The following SF3A3 variants were observed in gnomAD, a reference collection of about 807,000 sequenced individuals.
The protein encoded by SF3A3 is SAP 61.
A neutral mutation model predicts 85.8 loss-of-function variants in SF3A3; 9 were observed. That is an observed-to-expected ratio of 0.10 (90% confidence interval 0.06 to 0.18). The LOEUF (loss-of-function observed/expected upper bound fraction) is 0.18. SF3A3 is among the 10% of genes least tolerant of loss of function. The pLI, the probability that SF3A3 is intolerant of heterozygous loss-of-function variation, is 1.00. For missense variants in SF3A3, 306 were observed against 593.3 expected, an observed-to-expected ratio of 0.52 and a Z score of 5.03; for synonymous variants, 195 against 204.4, an observed-to-expected ratio of 0.95 and a Z score of 0.39.
In SF3A3 at chr1:37,958,054, T is replaced by A; in HGVS notation, c.*132A>T. ...CTGCAATCTGCCAGCATGCCTTGTTTCTACAAGATGCATGCTAGACCATGA... is the reference window on the plus strand; with the variant it reads ...CTGCAATCTGCCAGCATGCCTTGTTACTACAAGATGCATGCTAGACCATGA... On this transcript the variant is annotated 3_prime_UTR_variant, in exon 17 of 17. Coordinates refer to ENST00000373019, the MANE Select transcript of SF3A3 (RefSeq NM_006802.4). 1 of 655,606 alleles carries A rather than the reference T, an allele frequency of 1.5e-6. No homozygotes were observed. Among genetic ancestry groups the A allele is most frequent in the Non-Finnish European group, 2.8e-6 (1 of 361,614 alleles). The allele number at this position is 655,606 out of a possible 1,614,324, so 40.6% of individuals were successfully genotyped here.
chr1:37,983,427 T>A (rs921908118), intron 6 of SF3A3, among the ~76,000 whole-genome samples: 21 of 147,924 alleles, frequency 1.4e-4, no homozygotes, highest in South Asian at 6.4e-4. Context: ...CTACACAAAA[T>A]ACAAAAAATT....
chr1:37,989,424 G>C (rs1043180676), intron 2 of SF3A3, 124 bp downstream of exon 2: 1 of 980,654 alleles, frequency 1.0e-6, no homozygotes, highest in African/African-American at 1.6e-5. Context: ...TCCAGGCAGA[G>C]AGCCCGCGAC....
intron 11 of SF3A3, 106 bp downstream of exon 11, chr1:37,978,614 C>T (rs1455055682): frequency 4.5e-6 from 3 of 665,448 alleles, no homozygotes; most frequent in Middle Eastern, 8.3e-4. Context: ...CTCTGTCAAC[C>T]AATAACGGAG....
chr1:37,984,410 A>T (rs1646441298), intron 5 of SF3A3, 150 bp from the exon 6 acceptor site: 1 of 619,174 alleles, frequency 1.6e-6, no homozygotes, highest in East Asian at 2.7e-5. Context: ...CCAATAAGTT[A>T]AGTGAGATCA....
chr1:37,986,022 C>T (rs985703844), intron 4 of SF3A3, among the ~76,000 whole-genome samples: 2 of 148,634 alleles, frequency 1.3e-5, no homozygotes, highest in Admixed American at 6.8e-5. Flanking sequence ...GATCTCAGCT[C>T]ACTGCAACCT....
At chr1:37,977,676 T>TA (rs1219307517) in intron 11 of SF3A3, among the ~76,000 whole-genome samples, 1 of 151,796 alleles carries the variant, frequency 6.6e-6, no homozygotes, top group Non-Finnish European at 1.5e-5. Context: ...CCGTCTCTAC[T>TA]AAAAATACAA....
At chr1:37,983,617 T>C (rs1456327549) in intron 6 of SF3A3, among the ~76,000 whole-genome samples, 1 of 72,828 alleles carries the variant, frequency 1.4e-5, no homozygotes, top group Non-Finnish European at 2.7e-5. Context: ...AAGATTTATT[T>C]TGGCAAAGGT....
chr1:37,988,879 G>GTGTA (rs1360456849), intron 2 of SF3A3, among the ~76,000 whole-genome samples: 176 of 144,436 alleles, frequency 1.2e-3, no homozygotes, highest in African/African-American at 4.3e-3. Context: ...GTGTGTGTGT[G>GTGTA]TATATATATA....
chr1:37,979,663 C>A, intron 8 of SF3A3, 130 bp from the exon 9 acceptor site: 1 of 574,306 alleles, frequency 1.7e-6, no homozygotes. Flanking sequence ...AGAGACCAGG[C>A]AGGGAAACAT....
intron 4 of SF3A3, 55 bp from the exon 5 acceptor site, chr1:37,984,834 T>G: frequency 7.1e-7 from 1 of 1,410,540 alleles, no homozygotes; most frequent in Non-Finnish European, 1.0e-6. Flanking sequence ...TTGAGATGGA[T>G]TCTCACTCTG....
chr1:37,967,837 C>A (rs1054607298), intron 15 of SF3A3, among the ~76,000 whole-genome samples: 4 of 151,756 alleles, frequency 2.6e-5, no homozygotes, highest in Non-Finnish European at 5.9e-5. Context: ...TCCAGCCTGG[C>A]GACAGAGCGA....
At chr1:37,984,860 T>A in intron 4 of SF3A3, 81 bp from the exon 5 acceptor site, 2 of 1,164,778 alleles carry the variant, frequency 1.7e-6, no homozygotes, top group South Asian at 1.2e-5. Flanking sequence ...CAGGCTGGAG[T>A]GCACTGGCAC....
intron 15 of SF3A3, among the ~76,000 whole-genome samples, chr1:37,966,622 G>A (rs1040054004): frequency 6.6e-6 from 1 of 151,976 alleles, no homozygotes; most frequent in Admixed American, 6.6e-5. Context: ...CAGTATTGCC[G>A]ACTAATTCAT....
chr1:37,975,032 G>A (rs1469167108), intron 12 of SF3A3, among the ~76,000 whole-genome samples: 1 of 151,992 alleles, frequency 6.6e-6, no homozygotes, highest in Non-Finnish European at 1.5e-5. Context: ...GTTTCTTAAG[G>A]GCAAGAGGCT....
At chr1:37,979,388 T>C in intron 9 of SF3A3, 77 bp downstream of exon 9, 2 of 1,076,530 alleles carry the variant, frequency 1.9e-6, no homozygotes, top group Non-Finnish European at 2.8e-6. Context: ...ACAACCATGG[T>C]ATTAAAGACA....
intron 16 of SF3A3, among the ~76,000 whole-genome samples, 190 bp downstream of exon 16, chr1:37,959,930 C>G (rs1275228147): frequency 7.1e-6 from 1 of 140,742 alleles, no homozygotes; most frequent in Admixed American, 7.8e-5. Context: ...TGCACTCCAG[C>G]CCGGGCAACA....
chr1:37,978,879 G>A, intron 10 of SF3A3, 52 bp from the exon 11 acceptor site: 1 of 1,566,062 alleles, frequency 6.4e-7, no homozygotes. Context: ...CACACAGGCT[G>A]GCTTATTTTT....
intron 12 of SF3A3, among the ~76,000 whole-genome samples, chr1:37,971,632 A>G (rs112245369): frequency 6.6e-6 from 1 of 152,244 alleles, no homozygotes; most frequent in African/African-American, 2.4e-5. Flanking sequence ...AACTGAATCC[A>G]GCAGCACATC....
chr1:37,969,214 G>T, intron 14 of SF3A3, 140 bp downstream of exon 14: 1 of 642,846 alleles, frequency 1.6e-6, no homozygotes. Flanking sequence ...AAATGCCATG[G>T]GCTTGATTTT....
Sources: gnomAD v4.1 joint callset for allele counts (sites outside exome capture counted in the v4.1 genomes callset) on GRCh38, gnomAD v4.1.1 for gene constraint, MANE v1.5 for transcripts, NCBI Gene and HGNC (gene_info 2026-07-23, HGNC 2026-07-21) for gene names.